The following FAM83D variants were observed in gnomAD, a reference collection of about 807,000 sequenced individuals.
FAM83D encodes protein FAM83D.
Under a neutral mutation model 25.4 loss-of-function variants are expected in FAM83D, and 26 were observed. The observed-to-expected ratio is 1.02, with a 90% confidence interval of 0.75 to 1.42. The LOEUF (loss-of-function observed/expected upper bound fraction) is 1.42. Among genes scored for constraint, FAM83D ranks in the 40% most tolerant of loss-of-function variants. The pLI, the probability that FAM83D is intolerant of heterozygous loss-of-function variation, is 0.00. For synonymous variants in FAM83D, 310 were observed against 318.5 expected (o/e 0.97, Z 0.28); for missense variants, 740 against 758.1 (o/e 0.98, Z 0.28).
At chr20:38,949,140 T>G (rs1190094899) in intron 3 of FAM83D, among the ~76,000 whole-genome samples, 1 of 151,830 alleles carries the variant, frequency 6.6e-6, no homozygotes, top group Admixed American at 6.6e-5. Flanking sequence ...GGTGCTTTAT[T>G]TACATTATCT....
chr20:38,943,829 T>C (rs553154045), intron 2 of FAM83D, among the ~76,000 whole-genome samples: 1 of 152,344 alleles, frequency 6.6e-6, no homozygotes, highest in Non-Finnish European at 1.5e-5. Flanking sequence ...TAGCTGGGAT[T>C]ACAGGTGCCC....
intron 2 of FAM83D, among the ~76,000 whole-genome samples, chr20:38,946,129 G>A (rs2085726849): frequency 2.2e-5 from 3 of 139,144 alleles, no homozygotes; most frequent in Non-Finnish European, 4.5e-5. Flanking sequence ...AGAATTGCTT[G>A]AACCTGGGAG....
At chr20:38,940,602 C>G (rs1568697584) in intron 1 of FAM83D, among the ~76,000 whole-genome samples, 1 of 152,172 alleles carries the variant, frequency 6.6e-6, no homozygotes, top group African/African-American at 2.4e-5. Context: ...ACCCTTATAT[C>G]TCCAGACTAC....
chr20:38,943,197 G>A (rs1418453443), intron 2 of FAM83D, among the ~76,000 whole-genome samples: 1 of 151,946 alleles, frequency 6.6e-6, no homozygotes, highest in Non-Finnish European at 1.5e-5. Context: ...GCTAATTTTT[G>A]TATTTTTAGT....
At chr20:38,947,829 G>C in intron 2 of FAM83D, 47 bp from the exon 3 acceptor site, 7 of 1,602,424 alleles carry the variant, frequency 4.4e-6, no homozygotes, top group Non-Finnish European at 6.0e-6. Context: ...CAGCAGATGA[G>C]TATTGCTGAA....
chr20:38,928,833 A>G (rs1235522105), intron 1 of FAM83D, among the ~76,000 whole-genome samples: 5 of 152,190 alleles, frequency 3.3e-5, no homozygotes, highest in African/African-American at 1.2e-4. Context: ...GAGATGCTGT[A>G]TTTGGAACCT....
chr20:38,934,975 TA>T (rs948496437), intron 1 of FAM83D, among the ~76,000 whole-genome samples: 52 of 152,188 alleles, frequency 3.4e-4, no homozygotes, highest in Non-Finnish European at 4.4e-4. Context: ...CTTTTACCTA[TA>T]GGGGGATATA....
chr20:38,940,145 T>C (rs905256698), intron 1 of FAM83D, among the ~76,000 whole-genome samples: 4 of 152,226 alleles, frequency 2.6e-5, no homozygotes, highest in Non-Finnish European at 2.9e-5. Flanking sequence ...CTTCTCATTT[T>C]TTAAATCACT....
At chr20:38,932,250 G>A (rs2085661589) in intron 1 of FAM83D, among the ~76,000 whole-genome samples, 1 of 152,228 alleles carries the variant, frequency 6.6e-6, no homozygotes, top group African/African-American at 2.4e-5. Flanking sequence ...GCCGGGTGTG[G>A]TGGCATGTGC....
chr20:38,952,633 C>A lies in FAM83D; in HGVS notation c.*113C>A. The A allele has an allele frequency of 8.2e-7, 1 of 1,224,994 alleles. No homozygotes were observed. Among genetic ancestry groups the A allele is most frequent in the Non-Finnish European group, 1.1e-6 (1 of 874,062 alleles). 75.9% of individuals were successfully genotyped at this position (1,224,994 alleles called of 1,614,324 possible). On this transcript the variant is annotated 3_prime_UTR_variant, in exon 4 of 4. Coordinates refer to ENST00000619850, the MANE Select transcript of FAM83D (RefSeq NM_030919.3). ...TTGCCTTTCTTTTACCTGACTTTGT[C>A]ACCTTTGTTGTCTTTGAATTCTTTA... is the stretch of plus-strand genomic sequence containing the variant.
At chr20:38,945,381 C>T (rs2085722416) in intron 2 of FAM83D, among the ~76,000 whole-genome samples, 1 of 152,084 alleles carries the variant, frequency 6.6e-6, no homozygotes, top group Non-Finnish European at 1.5e-5. Context: ...CTATGACATT[C>T]CCTAGTCGTT....
intron 3 of FAM83D, among the ~76,000 whole-genome samples, chr20:38,948,374 A>G (rs2085738468): frequency 1.3e-5 from 2 of 152,192 alleles, no homozygotes; most frequent in African/African-American, 2.4e-5. Context: ...GCTCACTTGA[A>G]GGTAGGGGCA....
At chr20:38,934,394 G>C (rs368175079) in intron 1 of FAM83D, among the ~76,000 whole-genome samples, 1 of 151,478 alleles carries the variant, frequency 6.6e-6, no homozygotes, top group Non-Finnish European at 1.5e-5. Flanking sequence ...TTGGGAGGCC[G>C]AGGCAGGAGA....
chr20:38,950,012 G>A (rs1485497576), intron 3 of FAM83D, among the ~76,000 whole-genome samples: 2 of 152,068 alleles, frequency 1.3e-5, no homozygotes, highest in Admixed American at 1.3e-4. Context: ...TAGTAGAGAT[G>A]GGGTTTCACT....
chr20:38,949,142 A>G (rs2085741945), intron 3 of FAM83D, among the ~76,000 whole-genome samples: 1 of 151,094 alleles, frequency 6.6e-6, no homozygotes, highest in African/African-American at 2.4e-5. Context: ...TGCTTTATTT[A>G]CATTATCTCA....
chr20:38,950,862 T>TCATA (rs1555812957), intron 3 of FAM83D, among the ~76,000 whole-genome samples: 1 of 151,960 alleles, frequency 6.6e-6, no homozygotes, highest in African/African-American at 2.4e-5. Context: ...TCTCGCCCAG[T>TCATA]CATGGAATGT....
intron 1 of FAM83D, among the ~76,000 whole-genome samples, chr20:38,927,284 AG>A (rs1460431173): frequency 6.6e-6 from 1 of 152,186 alleles, no homozygotes. Context: ...CCTGTCTGTC[AG>A]CCAACGCTAG....
intron 1 of FAM83D, among the ~76,000 whole-genome samples, chr20:38,931,853 C>T (rs974384427): frequency 2.0e-5 from 3 of 152,230 alleles, no homozygotes; most frequent in Non-Finnish European, 4.4e-5. Flanking sequence ...CTATTATGTG[C>T]ACCTTTGCTC....
At chr20:38,943,949 CCCAAATTGCT>C (rs2085714522) in intron 2 of FAM83D, among the ~76,000 whole-genome samples, 1 of 152,234 alleles carries the variant, frequency 6.6e-6, no homozygotes, top group Non-Finnish European at 1.5e-5. Flanking sequence ...GCCTCGGCCT[CCCAAATTGCT>C]GGGATTACAG....
Sources: gnomAD v4.1 joint callset for allele counts (sites outside exome capture counted in the v4.1 genomes callset) on GRCh38, gnomAD v4.1.1 for gene constraint, MANE v1.5 for transcripts, NCBI Gene and HGNC (gene_info 2026-07-23, HGNC 2026-07-21) for gene names.